Variants in NAALADL2 observed in about 807,000 individuals in gnomAD.
The protein encoded by NAALADL2 is N-acetylated alpha-linked acidic dipeptidase like 2.
Under a neutral mutation model 87.2 loss-of-function variants are expected in NAALADL2, and 76 were observed. The observed-to-expected ratio is 0.87, with a 90% confidence interval of 0.72 to 1.05. NAALADL2 has a LOEUF of 1.05. Ranked by LOEUF, NAALADL2 falls within the 50% of genes least tolerant of loss-of-function variation. The pLI is 0.00. For missense variants in NAALADL2, 1,089 were observed against 945.8 expected, an observed-to-expected ratio of 1.15 and a Z score of -1.99; for synonymous variants, 354 against 331.0, an observed-to-expected ratio of 1.07 and a Z score of -0.75.
At chr3:174,823,349 AT>A (rs1187793226) in intron 3 of NAALADL2, among the ~76,000 whole-genome samples, 6 of 151,538 alleles carry the variant, frequency 4.0e-5, no homozygotes, top group Non-Finnish European at 7.4e-5. Context: ...CATATGGAGG[AT>A]TTTTTGCCAA....
intron 2 of NAALADL2, among the ~76,000 whole-genome samples, chr3:174,603,588 C>T (rs543405068): frequency 6.6e-6 from 1 of 151,072 alleles, no homozygotes; most frequent in African/African-American, 2.4e-5. Flanking sequence ...TGTATTTTTT[C>T]CAATTTTATT....
intron 4 of NAALADL2, among the ~76,000 whole-genome samples, chr3:175,293,063 A>AAG (rs200847994): frequency 4.1e-5 from 6 of 148,098 alleles, no homozygotes; most frequent in Admixed American, 1.3e-4. Context: ...AAAAAAAAAA[A>AAG]GGGGGAACTC....
At chr3:175,147,498 G>A (rs1221375144) in intron 2 of NAALADL2, among the ~76,000 whole-genome samples, 3 of 152,078 alleles carry the variant, frequency 2.0e-5, no homozygotes, top group African/African-American at 7.2e-5. Context: ...CCACGGATGG[G>A]CACCTAGGTT....
chr3:175,504,458 G>A (rs944572813), intron 9 of NAALADL2, among the ~76,000 whole-genome samples: 2 of 152,080 alleles, frequency 1.3e-5, no homozygotes, highest in African/African-American at 4.8e-5. Context: ...TCTATAGGAG[G>A]CCATTAAAAT....
At chr3:174,641,935 C>T (rs1723233534) in intron 2 of NAALADL2, among the ~76,000 whole-genome samples, 1 of 151,984 alleles carries the variant, frequency 6.6e-6, no homozygotes, top group Non-Finnish European at 1.5e-5. Flanking sequence ...TTTTAAATTT[C>T]TTTTTTAGAG....
At chr3:174,498,634 A>G (rs983903115) in intron 1 of NAALADL2, among the ~76,000 whole-genome samples, 1 of 150,318 alleles carries the variant, frequency 6.7e-6, no homozygotes, top group Non-Finnish European at 1.5e-5. Context: ...ACATATATAT[A>G]TAATATATAT....
At chr3:174,468,532 C>T (rs1254878962) in intron 1 of NAALADL2, among the ~76,000 whole-genome samples, 1 of 151,610 alleles carries the variant, frequency 6.6e-6, no homozygotes, top group Admixed American at 6.6e-5. Flanking sequence ...GGGCACCTGC[C>T]ACCATGTCTG....
At position 174,631,075 on chromosome 3, in the gene NAALADL2, A is replaced by G. The variant is rs147492765; in HGVS notation, c.-115+80438A>G. Among the ~76,000 whole-genome samples, 418 of 152,092 alleles carry G rather than the reference A, an allele frequency of 2.7e-3. 1 individual carries two copies. Among genetic ancestry groups the G allele is most frequent in the African/African-American group, 9.5e-3 (392 of 41,414 alleles). Reference sequence around the variant, plus strand: ...CTTTTACTTCCTATAGATTCTGCACATATTATTATTATCCCTTAGTGGTCA... The same window carrying G: ...CTTTTACTTCCTATAGATTCTGCACGTATTATTATTATCCCTTAGTGGTCA... On this transcript the variant is annotated intron_variant, in intron 2 of 3. Transcript: ENST00000434257.
chr3:175,311,378 A>G (rs895496274), intron 4 of NAALADL2, among the ~76,000 whole-genome samples: 1 of 152,204 alleles, frequency 6.6e-6, no homozygotes, highest in African/African-American at 2.4e-5. Context: ...GGAGAAAAGT[A>G]CAGGAAAATA....
intron 1 of NAALADL2, among the ~76,000 whole-genome samples, chr3:174,914,555 T>C (rs975566719): frequency 1.3e-5 from 2 of 152,162 alleles, no homozygotes; most frequent in Non-Finnish European, 2.9e-5. Flanking sequence ...ACTAATGCTA[T>C]TGTCATGGTA....
rs1246660912 is a variant in NAALADL2, at chr3:175,698,423, ATG to A, written c.1897-38881_1897-38880del. Among the ~76,000 whole-genome samples the A allele has an allele frequency of 7.9e-4, 67 of 84,734 alleles. 17 individuals carry two copies. The highest frequency in any genetic ancestry group is 2.7e-3 in the African/African-American group (44 of 16,056). 55.6% of individuals were successfully genotyped at this position (84,734 alleles called of 152,430 possible). A position where few individuals can be genotyped will look rare whatever the true frequency, so the allele number is the denominator to read the frequency against. On this transcript the variant is annotated intron_variant, in intron 11 of 13. Transcript: ENST00000454872. ...TATGTGTATTTATGTATGTATACAT[ATG>A]TATGTGTATATATTTATGTATGTAT...
At chr3:175,207,850 A>T (rs1741175019) in intron 2 of NAALADL2, among the ~76,000 whole-genome samples, 1 of 152,172 alleles carries the variant, frequency 6.6e-6, no homozygotes, top group Non-Finnish European at 1.5e-5. Flanking sequence ...TCTCTTTCAT[A>T]TGATAAATAA....
chr3:175,401,381 A>G (rs1274889839), intron 5 of NAALADL2, among the ~76,000 whole-genome samples: 3 of 152,132 alleles, frequency 2.0e-5, no homozygotes, highest in Non-Finnish European at 4.4e-5. Flanking sequence ...CAAAATCATC[A>G]CAATAAAAAA....
At chr3:175,244,939 G>T (rs1198740310) in intron 3 of NAALADL2, among the ~76,000 whole-genome samples, 1 of 152,128 alleles carries the variant, frequency 6.6e-6, no homozygotes, top group African/African-American at 2.4e-5. Flanking sequence ...GCAGGAGAAA[G>T]TAAGCAGTAG....
At chr3:175,585,017 A>C (rs1380055969) in intron 10 of NAALADL2, among the ~76,000 whole-genome samples, 3 of 151,904 alleles carry the variant, frequency 2.0e-5, no homozygotes, top group Non-Finnish European at 2.9e-5. Context: ...TACTTTGTAA[A>C]CTTTTTTTTA....
chr3:175,071,780 G>C (rs541277031), intron 1 of NAALADL2, among the ~76,000 whole-genome samples: 2 of 148,948 alleles, frequency 1.3e-5, no homozygotes, highest in South Asian at 4.3e-4. Context: ...AGAAACAAAG[G>C]ATATTAAAAA....
intron 11 of NAALADL2, among the ~76,000 whole-genome samples, chr3:175,651,138 A>G (rs1225507587): frequency 6.6e-6 from 1 of 152,122 alleles, no homozygotes; most frequent in Non-Finnish European, 1.5e-5. Flanking sequence ...ATTGTGTATA[A>G]TTCGTGTATT....
chr3:175,178,030 GC>G (rs1398364488), intron 2 of NAALADL2, among the ~76,000 whole-genome samples: 1 of 151,986 alleles, frequency 6.6e-6, no homozygotes, highest in Non-Finnish European at 1.5e-5. Context: ...GAGCCAGACT[GC>G]CTACATTCAA....
chr3:174,827,720 C>T (rs950790866), intron 3 of NAALADL2, among the ~76,000 whole-genome samples: 3 of 152,178 alleles, frequency 2.0e-5, no homozygotes, highest in Non-Finnish European at 4.4e-5. Context: ...TACCATCACT[C>T]GACAAATACT....
Sources: allele counts gnomAD v4.1 joint callset (sites outside exome capture counted in the v4.1 genomes callset), GRCh38; gene constraint gnomAD v4.1.1; transcripts MANE v1.5; gene names NCBI Gene and HGNC (gene_info 2026-07-23, HGNC 2026-07-21).